Variants in ADGRV1 observed in about 807,000 individuals in gnomAD.
ADGRV1 encodes the protein G-protein coupled receptor 98.
A neutral mutation model predicts 596.2 loss-of-function variants in ADGRV1; 359 were observed. The ratio of observed to expected loss-of-function variants is 0.60; its 90% CI spans 0.55 to 0.66. The LOEUF is 0.66. ADGRV1 is among the 30% of genes least tolerant of loss of function. ADGRV1 has a pLI of 0.00. For missense variants in ADGRV1, 7,274 were observed against 7,575.6 expected, an observed-to-expected ratio of 0.96 and a Z score of 1.48; for synonymous variants, 2,681 against 2,679.2, an observed-to-expected ratio of 1.00 and a Z score of -0.02.
At position 90,763,396 on chromosome 5, in the gene ADGRV1, G is replaced by T; in HGVS notation, c.12212G>T (p.Arg4071Leu). The T allele has an allele frequency of 6.2e-7, 1 of 1,613,540 alleles. No individual in the cohort carries two copies. ...VRSPGGKGTVRLEWTIDEKAK... is the reference protein window; with the variant it reads ...VRSPGGKGTVLLEWTIDEKAK... Reference sequence around the variant, plus strand: ...TCCCCAGGAGGAAAAGGAACCGTCCGACTTGAGTGGACCATAGATGAGAAG... The same window carrying T: ...TCCCCAGGAGGAAAAGGAACCGTCCTACTTGAGTGGACCATAGATGAGAAG... The change falls in exon 59 of 90, where the codon CGA becomes CTA. Residue 4071 changes from arginine to leucine, a missense_variant. Around this residue, in one of 5 missense-constraint regions of ADGRV1, gnomAD observed 3,643 missense variants for 3,809.2 expected, o/e 0.96. Transcript: ENST00000405460.
Position 90,998,835 on chromosome 5 carries a change from C to G in ADGRV1, c.18152+13313C>G, listed in dbSNP as rs566252855. Among the ~76,000 whole-genome samples, 8 of 152,114 alleles carry G rather than the reference C, an allele frequency of 5.3e-5. 1 individual carries two copies. Among genetic ancestry groups the G allele is most frequent in the African/African-American group, 1.9e-4 (8 of 41,528 alleles). ...GTTTGCCAGTGTGATTTGCACACAC[C>G]TAAATATACACATATATAGTACCTT... On this transcript the variant is annotated intron_variant, in intron 85 of 89. Transcript: ENST00000405460.
chr5:90,963,130 TAGAA>T lies in ADGRV1; in HGVS notation c.17857-2282_17857-2279del, dbSNP rs1778170168. The stretch of plus-strand genomic sequence containing the variant: ...ACAATCCATATAATAGAATCTGAAT[TAGAA>T]AGGCTTGAATTTATTGTATGTAAAT... On this transcript the variant is annotated intron_variant, in intron 83 of 89. Coordinates refer to ENST00000405460, the MANE Select transcript of ADGRV1 (RefSeq NM_032119.4). 2.0e-5 allele frequency among the ~76,000 whole-genome samples: 3 copies of T among 152,172 alleles called. No individual in the cohort carries two copies. In the South Asian group the frequency reaches 6.2e-4, roughly 31 times the overall value.
intron 1 of ADGRV1, among the ~76,000 whole-genome samples, chr5:90,563,981 A>T (rs1755207835): frequency 6.6e-6 from 1 of 152,216 alleles, no homozygotes; most frequent in Non-Finnish European, 1.5e-5. Context: ...CCAGCAATTC[A>T]GTGTAGCTCA....
At chr5:90,890,086 C>A (rs192109779) in intron 83 of ADGRV1, among the ~76,000 whole-genome samples, 1 of 152,070 alleles carries the variant, frequency 6.6e-6, no homozygotes, top group East Asian at 1.9e-4. Context: ...AAAAAGGAAT[C>A]CCTTTCTTTG....
intron 87 of ADGRV1, among the ~76,000 whole-genome samples, chr5:91,103,605 A>G (rs1791586155): frequency 6.6e-6 from 1 of 152,034 alleles, no homozygotes; most frequent in African/African-American, 2.4e-5. Flanking sequence ...ACACAGTGTT[A>G]TATGAAAGAT....
chr5:91,151,832 G>T (rs1796088145), intron 88 of ADGRV1, among the ~76,000 whole-genome samples: 1 of 152,218 alleles, frequency 6.6e-6, no homozygotes. Context: ...TATCAGTGCA[G>T]AAAGTTTTAT....
chr5:91,149,947 T>C, intron 87 of ADGRV1, 83 bp from the exon 88 acceptor site: 1 of 1,135,254 alleles, frequency 8.8e-7, no homozygotes, highest in Non-Finnish European at 1.2e-6. Flanking sequence ...TGTTTATTCT[T>C]CAGCTACGGT....
intron 44 of ADGRV1, among the ~76,000 whole-genome samples, 153 bp downstream of exon 44, chr5:90,720,376 T>C (rs537911233): frequency 6.6e-6 from 1 of 152,362 alleles, no homozygotes; most frequent in African/African-American, 2.4e-5. Flanking sequence ...GAGAGACCAG[T>C]TACTCTCCTA....
At chr5:90,577,046 A>G (rs530669287) in intron 1 of ADGRV1, among the ~76,000 whole-genome samples, 6 of 151,990 alleles carry the variant, frequency 3.9e-5, no homozygotes, top group African/African-American at 1.4e-4. Flanking sequence ...GATTGCAAAA[A>G]TTTTCTCTCA....
At chr5:90,821,177 T>C (rs1581229205) in intron 75 of ADGRV1, among the ~76,000 whole-genome samples, 2 of 151,480 alleles carry the variant, frequency 1.3e-5, no homozygotes, top group East Asian at 1.9e-4. Context: ...CATCTTCCAT[T>C]GCTGATACCC....
intron 84 of ADGRV1, among the ~76,000 whole-genome samples, chr5:90,984,231 A>G (rs1290429854): frequency 6.6e-6 from 1 of 152,172 alleles, no homozygotes; most frequent in Non-Finnish European, 1.5e-5. Flanking sequence ...TAGACATAAT[A>G]TATAATTCAT....
rs1344665354 is a variant in ADGRV1, at chr5:90,929,345, T to C, written c.17857-36070T>C. 3.3e-5 allele frequency: 5 copies of C among 153,558 alleles called. No homozygotes were observed. In the East Asian group the frequency reaches 7.7e-4, roughly 24 times the overall value. The allele number at this position is 153,558 out of a possible 1,614,324, so 9.5% of individuals were successfully genotyped here. A position where few individuals can be genotyped will look rare whatever the true frequency, so the allele number is the denominator to read the frequency against. On this transcript the variant is annotated intron_variant, in intron 83 of 89. Coordinates refer to ENST00000405460, the MANE Select transcript of ADGRV1 (RefSeq NM_032119.4). ...GATATAATCTTGTGGTGCGTCGTGT[T>C]TTAAGCCGGTCGGAAAAGCGCAGTA...
intron 74 of ADGRV1, 67 bp downstream of exon 74, chr5:90,811,405 C>A: frequency 7.3e-7 from 1 of 1,365,508 alleles, no homozygotes; most frequent in South Asian, 1.5e-5. Context: ...TAAGGTGAAT[C>A]TAGCTTAAAT....
intron 87 of ADGRV1, among the ~76,000 whole-genome samples, chr5:91,107,422 GTTTTGTTTTTGTTTTTGT>G (rs141924606): frequency 5.3e-5 from 8 of 150,564 alleles, no homozygotes; most frequent in African/African-American, 2.0e-4. Context: ...GTTTCGTTTT[GTTTTGTTTTTGTTTTTGT>G]TTTTGTTTTT....
rs1358907339 is a variant in ADGRV1, at chr5:90,601,119, TC to T, written c.23-13713del. Among the ~76,000 whole-genome samples the T allele has an allele frequency of 5.3e-5, 8 of 152,028 alleles. No homozygotes were observed. In the East Asian group the frequency reaches 1.5e-3, roughly 29 times the overall value. On this transcript the variant is annotated intron_variant, in intron 1 of 89. Transcript: ENST00000405460. The stretch of plus-strand genomic sequence containing the variant: ...CGGGCGTGGTGGTGCATGCCTGTAA[TC>T]CCAGCTACTCAGGAATCTGAGGCAG...
In ADGRV1 at chr5:91,081,217, G is replaced by A. The variant is rs544182716; in HGVS notation, c.18310+8613G>A. On this transcript the variant is annotated intron_variant, in intron 86 of 89. Transcript: ENST00000405460. ...TCCATCATGGGGGCTCCACCTTCAT[G>A]AGATTATTACCTCCTGAAGGCCTCA... Among the ~76,000 whole-genome samples, 12 of 152,192 alleles carry A rather than the reference G, an allele frequency of 7.9e-5. No homozygotes were observed. In the East Asian group the frequency reaches 2.3e-3, roughly 29 times the overall value.
At chr5:90,657,813 C>A in intron 20 of ADGRV1, 92 bp from the exon 21 acceptor site, 1 of 1,306,390 alleles carries the variant, frequency 7.7e-7, no homozygotes, top group Non-Finnish European at 1.0e-6. Context: ...AAATATCTTT[C>A]AGTAAAATTG....
intron 58 of ADGRV1, 149 bp from the exon 59 acceptor site, chr5:90,763,156 A>G: frequency 1.5e-6 from 1 of 667,892 alleles, no homozygotes; most frequent in Non-Finnish European, 2.3e-6. Flanking sequence ...GGGATTTGGT[A>G]AAAAAAATTT....
intron 85 of ADGRV1, among the ~76,000 whole-genome samples, chr5:90,986,918 G>A (rs1314753220): frequency 6.6e-6 from 1 of 152,038 alleles, no homozygotes; most frequent in Non-Finnish European, 1.5e-5. Flanking sequence ...GGCAAGACAG[G>A]ACTTATTTAA....
Sources: gnomAD v4.1 joint callset for allele counts (sites outside exome capture counted in the v4.1 genomes callset) on GRCh38, gnomAD v4.1.1 for gene constraint, gnomAD v4.1.1 regional missense constraint, MANE v1.5 for transcripts, NCBI Gene and HGNC (gene_info 2026-07-23, HGNC 2026-07-21) for gene names.